Variants in GPR39 observed in about 807,000 individuals in gnomAD.
GPR39 encodes the protein G protein-coupled receptor 39, also known as zinc sensing receptor.
A neutral mutation model predicts 18.4 loss-of-function variants in GPR39; 23 were observed. The observed-to-expected ratio is 1.25, with a 90% CI of 0.90 to 1.77. The LOEUF (loss-of-function observed/expected upper bound fraction) is 1.77. Among genes scored for constraint, GPR39 ranks in the 40% most tolerant of loss-of-function variants. The pLI is 0.00. For synonymous variants in GPR39, 280 were observed against 257.9 expected (o/e 1.09, Z -0.82); for missense variants, 647 against 602.4 (o/e 1.07, Z -0.78).
At chr2:132,451,668 C>G (rs1680635090) in intron 1 of GPR39, among the ~76,000 whole-genome samples, 1 of 152,108 alleles carries the variant, frequency 6.6e-6, no homozygotes, top group African/African-American at 2.4e-5. Flanking sequence ...ACTTGTTTTA[C>G]TATATTCTTA....
intron 1 of GPR39, among the ~76,000 whole-genome samples, chr2:132,568,348 T>C (rs986015188): frequency 2.6e-5 from 4 of 152,140 alleles, no homozygotes; most frequent in East Asian, 1.9e-4. Flanking sequence ...ATCTTTTGAC[T>C]GTGAGTGGAT....
intron 1 of GPR39, among the ~76,000 whole-genome samples, chr2:132,418,977 G>A (rs1236557231): frequency 6.6e-6 from 1 of 152,184 alleles, no homozygotes; most frequent in African/African-American, 2.4e-5. Context: ...GGGACAGGAG[G>A]TAGACATGAG....
chr2:132,640,202 A>T (rs1363702223), intron 1 of GPR39, among the ~76,000 whole-genome samples: 1 of 152,240 alleles, frequency 6.6e-6, no homozygotes, highest in African/African-American at 2.4e-5. Flanking sequence ...AGATACATCA[A>T]TGCCACCATG....
At chr2:132,444,730 TC>T (rs1278945120) in intron 1 of GPR39, among the ~76,000 whole-genome samples, 22 of 152,196 alleles carry the variant, frequency 1.4e-4, no homozygotes, top group Admixed American at 3.9e-4. Flanking sequence ...TGATGAAGTG[TC>T]CAGATCTATC....
At chr2:132,467,700 AT>A (rs1296626343) in intron 1 of GPR39, among the ~76,000 whole-genome samples, 4 of 152,234 alleles carry the variant, frequency 2.6e-5, no homozygotes, top group Admixed American at 1.3e-4. Context: ...AATAATAAAG[AT>A]GATGTATACT....
chr2:132,447,219 G>A (rs1223251329), intron 1 of GPR39, among the ~76,000 whole-genome samples: 2 of 152,130 alleles, frequency 1.3e-5, no homozygotes, highest in Admixed American at 1.3e-4. Context: ...CCTGGGCCCA[G>A]TAGATTCTGT....
chr2:132,573,798 A>G (rs1363686998), intron 1 of GPR39, among the ~76,000 whole-genome samples: 1 of 152,166 alleles, frequency 6.6e-6, no homozygotes, highest in Non-Finnish European at 1.5e-5. Context: ...GAAGAAAAGA[A>G]TTACCTTCAT....
intron 1 of GPR39, among the ~76,000 whole-genome samples, chr2:132,473,489 T>C (rs924472708): frequency 3.9e-5 from 6 of 152,184 alleles, no homozygotes; most frequent in African/African-American, 1.2e-4. Flanking sequence ...AAAGCTATTA[T>C]GTTGAAGGTG....
At chr2:132,615,906 A>C (rs1681325453) in intron 1 of GPR39, among the ~76,000 whole-genome samples, 1 of 149,474 alleles carries the variant, frequency 6.7e-6, no homozygotes, top group Non-Finnish European at 1.5e-5. Flanking sequence ...CACGCACTGC[A>C]CACCTGGCTT....
chr2:132,526,338 G>A (rs1679508251), intron 1 of GPR39, among the ~76,000 whole-genome samples: 1 of 152,292 alleles, frequency 6.6e-6, no homozygotes, highest in South Asian at 2.1e-4. Context: ...GCAGCAGTGA[G>A]GGACTGCCTT....
At chr2:132,418,483 C>G (rs1679952704) in intron 1 of GPR39, 1 of 152,646 alleles carries the variant, frequency 6.6e-6, no homozygotes, top group South Asian at 2.1e-4. Flanking sequence ...CAGCACTCCC[C>G]AGGGCTTGGG....
chr2:132,457,462 C>G (rs562315453), intron 1 of GPR39, among the ~76,000 whole-genome samples: 1 of 152,292 alleles, frequency 6.6e-6, no homozygotes, highest in Admixed American at 6.5e-5. Flanking sequence ...TATTACCGAC[C>G]TTCTGAAGCC....
intron 1 of GPR39, among the ~76,000 whole-genome samples, chr2:132,456,606 G>T (rs939848234): frequency 6.6e-6 from 1 of 152,192 alleles, no homozygotes; most frequent in Admixed American, 6.5e-5. Context: ...TGTTTTTGCA[G>T]TGGCTGGTAC....
At chr2:132,422,215 T>G (rs1422540569) in intron 1 of GPR39, among the ~76,000 whole-genome samples, 3 of 152,348 alleles carry the variant, frequency 2.0e-5, no homozygotes, top group South Asian at 4.1e-4. Context: ...CACCTATCCT[T>G]GCATTATCCT....
At chr2:132,492,868 GTACACCATATATA>G (rs1225211410) in intron 1 of GPR39, among the ~76,000 whole-genome samples, 192 of 112,962 alleles carry the variant, frequency 1.7e-3, no homozygotes, top group Admixed American at 4.9e-3. Context: ...TACCATATAT[GTACACCATATATA>G]TACACCATAT....
chr2:132,538,773 G>C (rs1370372726), intron 1 of GPR39, among the ~76,000 whole-genome samples: 2 of 152,222 alleles, frequency 1.3e-5, no homozygotes, highest in Non-Finnish European at 2.9e-5. Context: ...CCGTGAGGAA[G>C]AATCTAGAGA....
At chr2:132,588,935 G>A (rs756161798) in intron 1 of GPR39, among the ~76,000 whole-genome samples, 1 of 152,132 alleles carries the variant, frequency 6.6e-6, no homozygotes, top group Non-Finnish European at 1.5e-5. Context: ...GAGAAACCAA[G>A]CAGAAAGGGT....
intron 1 of GPR39, among the ~76,000 whole-genome samples, chr2:132,440,756 TAATA>T (rs1420066436): frequency 5.4e-5 from 8 of 147,840 alleles, no homozygotes; most frequent in Non-Finnish European, 1.1e-4. Flanking sequence ...TTTAAAATAA[TAATA>T]ATAATAATGG....
chr2:132,428,937 G>A (rs967915977), intron 1 of GPR39, among the ~76,000 whole-genome samples: 2 of 152,154 alleles, frequency 1.3e-5, no homozygotes, highest in African/African-American at 2.4e-5. Context: ...ATTGGGGGTC[G>A]GGGTTTCCCC....
Sources: gnomAD v4.1 joint callset for allele counts (sites outside exome capture counted in the v4.1 genomes callset) on GRCh38, gnomAD v4.1.1 for gene constraint, MANE v1.5 for transcripts, NCBI Gene and HGNC (gene_info 2026-07-23, HGNC 2026-07-21) for gene names.